Variants in NFIL3 observed in about 807,000 individuals in gnomAD.
The protein encoded by NFIL3 is nuclear factor interleukin-3-regulated protein.
Under a neutral mutation model 10.0 loss-of-function variants are expected in NFIL3, and 5 were observed. The ratio of observed to expected loss-of-function variants is 0.50; its 90% CI spans 0.26 to 1.06. The LOEUF (loss-of-function observed/expected upper bound fraction) is 1.06. NFIL3 is among the 50% of genes least tolerant of loss of function. The pLI, the probability that NFIL3 is intolerant of heterozygous loss-of-function variation, is 0.13. For missense variants in NFIL3, 436 were observed against 547.6 expected (o/e 0.80, Z 2.03); for synonymous variants, 202 against 206.5 (o/e 0.98, Z 0.19).
the NFIL3 span, among the ~76,000 whole-genome samples, chr9:91,436,693 C>T: frequency 1.9e-3 from 290 of 152,258 alleles, 2 homozygotes; most frequent in Non-Finnish European, 2.8e-3. Flanking sequence ...TATGCCAGGA[C>T]CCTGGCTACC....
the NFIL3 span, among the ~76,000 whole-genome samples, chr9:91,475,486 A>G: frequency 1.3e-5 from 2 of 152,248 alleles, no homozygotes; most frequent in African/African-American, 4.8e-5. Context: ...TAATATTATA[A>G]CCTACAAGAT....
the NFIL3 span, among the ~76,000 whole-genome samples, chr9:91,480,188 G>C: frequency 6.6e-6 from 1 of 151,070 alleles, no homozygotes; most frequent in Non-Finnish European, 1.5e-5. Flanking sequence ...TGTCTCCCAG[G>C]CTGGAGTGCA....
At chr9:91,471,719 G>A in the NFIL3 span, among the ~76,000 whole-genome samples, 9 of 151,970 alleles carry the variant, frequency 5.9e-5, no homozygotes, top group Admixed American at 2.0e-4. Flanking sequence ...GGTTAATATT[G>A]TTATGAGTGA....
At chr9:91,436,300 G>C in the NFIL3 span, among the ~76,000 whole-genome samples, 1 of 152,142 alleles carries the variant, frequency 6.6e-6, no homozygotes, top group Non-Finnish European at 1.5e-5. Flanking sequence ...AGGTGGGGCC[G>C]GGCGCGGTGG....
rs148472032 is a variant in NFIL3 at position 91,423,388 on chromosome 9, C to T, written c.-173+252G>A. 1.6e-3 allele frequency among the ~76,000 whole-genome samples: 241 copies of T among 152,268 alleles called. 4 individuals carry two copies. In the East Asian group the frequency reaches 0.037, roughly 24 times the overall value. ...ACAGCAGCGGGGGGAGAGCGCAAAC[C>T]AGCCAGGACTACGTGCCGGCGCGAA... On this transcript the variant is annotated intron_variant, in intron 1 of 1. Transcript: ENST00000297689.
the NFIL3 span, among the ~76,000 whole-genome samples, chr9:91,453,371 C>A: frequency 6.6e-6 from 1 of 151,990 alleles, no homozygotes; most frequent in African/African-American, 2.4e-5. Flanking sequence ...TTTGGAGGGA[C>A]ACAATTCAGC....
At chr9:91,431,840 T>G in the NFIL3 span, among the ~76,000 whole-genome samples, 1 of 152,168 alleles carries the variant, frequency 6.6e-6, no homozygotes, top group African/African-American at 2.4e-5. Flanking sequence ...ACCACTTTCC[T>G]TTGTAAAAAT....
chr9:91,412,512 C>T (rs1003395075), intron 1 of NFIL3, among the ~76,000 whole-genome samples: 5 of 152,034 alleles, frequency 3.3e-5, no homozygotes, highest in African/African-American at 4.8e-5. Flanking sequence ...TCCATCAGCA[C>T]GATCTGCACA....
At chr9:91,477,342 CT>C in the NFIL3 span, among the ~76,000 whole-genome samples, 2 of 152,186 alleles carry the variant, frequency 1.3e-5, no homozygotes, top group African/African-American at 4.8e-5. Context: ...CTGAATTCCT[CT>C]TCTCTCTGCA....
At chr9:91,460,759 T>C in the NFIL3 span, among the ~76,000 whole-genome samples, 1 of 152,204 alleles carries the variant, frequency 6.6e-6, no homozygotes, top group Admixed American at 6.5e-5. Flanking sequence ...AGTCTTTAGT[T>C]ATTAAATAGA....
the NFIL3 span, among the ~76,000 whole-genome samples, chr9:91,481,857 A>C: frequency 1.3e-5 from 2 of 152,164 alleles, no homozygotes; most frequent in Non-Finnish European, 2.9e-5. Context: ...TAAAATATTA[A>C]TAGATAGTTT....
At chr9:91,460,938 T>C in the NFIL3 span, among the ~76,000 whole-genome samples, 1 of 152,218 alleles carries the variant, frequency 6.6e-6, no homozygotes, top group Non-Finnish European at 1.5e-5. Context: ...AGGTTTAGAA[T>C]AGAAATTAAA....
At chr9:91,446,128 G>A in the NFIL3 span, among the ~76,000 whole-genome samples, 3 of 152,180 alleles carry the variant, frequency 2.0e-5, no homozygotes, top group Non-Finnish European at 4.4e-5. Context: ...AATCTGTGAG[G>A]ACTGTGGGAG....
chr9:91,429,010 G>T, the NFIL3 span, among the ~76,000 whole-genome samples: 12 of 152,194 alleles, frequency 7.9e-5, no homozygotes, highest in Admixed American at 6.5e-5. Flanking sequence ...CATTGTGGCA[G>T]CACTCAGCCA....
chr9:91,443,839 C>A, the NFIL3 span, among the ~76,000 whole-genome samples: 1 of 152,218 alleles, frequency 6.6e-6, no homozygotes, highest in Non-Finnish European at 1.5e-5. Context: ...GGTCTCTTAG[C>A]GGCCCTGGCT....
At position 91,409,203 on chromosome 9, in the gene NFIL3, AC is replaced by A. The variant is rs1193779584; in HGVS notation, c.*142del. On this transcript the variant is annotated 3_prime_UTR_variant, in exon 2 of 2. Coordinates refer to ENST00000297689, the MANE Select transcript of NFIL3 (RefSeq NM_005384.3). ...ATCTAATCTTCATCATAATCTGTGC[AC>A]AAAAAGACACCAAACAGACAACATG... 1.3e-6 allele frequency: 1 copy of A among 746,326 alleles called. No individual in the cohort carries two copies. The highest frequency in any genetic ancestry group is 2.1e-6 in the Non-Finnish European group (1 of 473,876). The allele number at this position is 746,326 out of a possible 1,614,324, so 46.2% of individuals were successfully genotyped here. A position where few individuals can be genotyped will look rare whatever the true frequency, so the allele number is the denominator to read the frequency against.
the NFIL3 span, among the ~76,000 whole-genome samples, chr9:91,472,857 T>C: frequency 2.0e-5 from 3 of 152,240 alleles, no homozygotes; most frequent in Admixed American, 6.5e-5. Flanking sequence ...ACCTTTGGTC[T>C]TTGATGATGG....
At chr9:91,457,275 T>C in the NFIL3 span, among the ~76,000 whole-genome samples, 1 of 152,098 alleles carries the variant, frequency 6.6e-6, no homozygotes, top group South Asian at 2.1e-4. Context: ...GGAATTTTTA[T>C]TGTGATCTCA....
the NFIL3 span, among the ~76,000 whole-genome samples, chr9:91,474,730 A>G: frequency 1.3e-5 from 2 of 152,170 alleles, no homozygotes; most frequent in East Asian, 3.8e-4. Context: ...GAAAGATGAG[A>G]TAAACGACTT....
Sources: gnomAD v4.1 joint callset for allele counts (sites outside exome capture counted in the v4.1 genomes callset) on GRCh38, gnomAD v4.1.1 for gene constraint, MANE v1.5 for transcripts, NCBI Gene and HGNC (gene_info 2026-07-23, HGNC 2026-07-21) for gene names.